Variants in LYPD6B observed in about 807,000 individuals in gnomAD.
LYPD6B encodes ly6/PLAUR domain-containing protein 6B.
Under a neutral mutation model 22.8 loss-of-function variants are expected in LYPD6B, and 17 were observed. The ratio of observed to expected loss-of-function variants is 0.75; its 90% CI spans 0.51 to 1.12. The LOEUF (loss-of-function observed/expected upper bound fraction) is 1.12, where lower values mean the gene tolerates loss of function less well. Ranked by LOEUF, LYPD6B falls within the 50% of genes most tolerant of loss-of-function variation. LYPD6B has a pLI of 0.00. For synonymous variants in LYPD6B, 106 were observed against 91.6 expected (o/e 1.16, Z -0.90); for missense variants, 221 against 258.3 (o/e 0.86, Z 0.99).
At chr2:149,191,104 TTAAGAA>T (rs1483993698) in intron 3 of LYPD6B, among the ~76,000 whole-genome samples, 1 of 152,138 alleles carries the variant, frequency 6.6e-6, no homozygotes, top group East Asian at 1.9e-4. Context: ...GCCTCAACAA[TTAAGAA>T]TATTTTGCCA....
At chr2:149,057,295 C>T (rs1448920373) in intron 1 of LYPD6B, among the ~76,000 whole-genome samples, 23 of 151,650 alleles carry the variant, frequency 1.5e-4, no homozygotes, top group Admixed American at 1.5e-3. Flanking sequence ...TCTCAGGCTA[C>T]AAAAGAAAAT....
intron 2 of LYPD6B, among the ~76,000 whole-genome samples, chr2:149,134,806 C>T (rs138533518): frequency 1.5e-3 from 235 of 152,330 alleles, no homozygotes; most frequent in African/African-American, 5.5e-3. Flanking sequence ...GCTACTTGAT[C>T]AAGATCTTTG....
At chr2:149,115,472 C>G (rs905986369) in intron 1 of LYPD6B, among the ~76,000 whole-genome samples, 3 of 152,136 alleles carry the variant, frequency 2.0e-5, no homozygotes, top group Admixed American at 1.3e-4. Flanking sequence ...GGGAAGATTC[C>G]TCTTCCTGAT....
chr2:149,169,543 A>T (rs1402713587), intron 3 of LYPD6B, among the ~76,000 whole-genome samples: 2 of 152,136 alleles, frequency 1.3e-5, no homozygotes, highest in Non-Finnish European at 2.9e-5. Flanking sequence ...TATACAAGGG[A>T]TTCCTAAAAT....
intron 1 of LYPD6B, among the ~76,000 whole-genome samples, chr2:149,099,268 A>C (rs754725230): frequency 5.9e-5 from 9 of 152,218 alleles, no homozygotes; most frequent in Non-Finnish European, 1.2e-4. Flanking sequence ...TGTTGTTTAT[A>C]ATTCAGATTT....
At chr2:149,042,079 A>G (rs138132199) in intron 1 of LYPD6B, among the ~76,000 whole-genome samples, 43 of 152,316 alleles carry the variant, frequency 2.8e-4, no homozygotes, top group African/African-American at 9.9e-4. Flanking sequence ...TAGTTGCTCT[A>G]AATCATGACT....
intron 1 of LYPD6B, among the ~76,000 whole-genome samples, chr2:149,043,250 T>A (rs912468104): frequency 3.9e-5 from 6 of 152,172 alleles, no homozygotes; most frequent in African/African-American, 1.2e-4. Flanking sequence ...AAAAGTGGTC[T>A]CTTTACTAAG....
intron 3 of LYPD6B, among the ~76,000 whole-genome samples, chr2:149,172,262 C>T (rs1253369419): frequency 1.3e-5 from 2 of 152,122 alleles, no homozygotes; most frequent in African/African-American, 4.8e-5. Context: ...GGATAGCCAC[C>T]CCCGTGATTC....
intron 1 of LYPD6B, among the ~76,000 whole-genome samples, chr2:149,075,730 T>C (rs1205096981): frequency 6.6e-6 from 1 of 152,248 alleles, no homozygotes; most frequent in East Asian, 1.9e-4. Flanking sequence ...AAGTTGGTCA[T>C]ATGACAATCC....
chr2:149,214,011 T>TCCCCTGAAAACAC (rs1694041206), intron 6 of LYPD6B, among the ~76,000 whole-genome samples: 1 of 152,168 alleles, frequency 6.6e-6, no homozygotes, highest in South Asian at 2.1e-4. Context: ...CCTGAAAACA[T>TCCCCTGAAAACAC]CCCCTGAAAA....
intron 3 of LYPD6B, among the ~76,000 whole-genome samples, chr2:149,193,140 G>C (rs996571686): frequency 6.6e-6 from 1 of 152,084 alleles, no homozygotes. Context: ...TGCTTCCCCA[G>C]GCCTCTCACC....
chr2:149,129,746 T>C (rs1462702787), intron 1 of LYPD6B, among the ~76,000 whole-genome samples: 1 of 152,218 alleles, frequency 6.6e-6, no homozygotes, highest in Admixed American at 6.5e-5. Context: ...GTGGACTTTA[T>C]GCAGACTTCT....
At chr2:149,095,088 G>C (rs961655573) in intron 1 of LYPD6B, among the ~76,000 whole-genome samples, 1 of 152,132 alleles carries the variant, frequency 6.6e-6, no homozygotes, top group Non-Finnish European at 1.5e-5. Flanking sequence ...CTGAGGTCAG[G>C]AGTTCGTAAC....
intron 3 of LYPD6B, among the ~76,000 whole-genome samples, chr2:149,202,964 G>A (rs1693264721): frequency 1.3e-5 from 2 of 152,178 alleles, no homozygotes; most frequent in Admixed American, 1.3e-4. Context: ...GTACAGGGAA[G>A]TTAAGGAACT....
intron 1 of LYPD6B, among the ~76,000 whole-genome samples, chr2:149,068,431 A>G (rs1288229421): frequency 6.6e-6 from 1 of 152,220 alleles, no homozygotes; most frequent in East Asian, 1.9e-4. Flanking sequence ...CTTCATTTGC[A>G]TCTTTCAGAG....
intron 1 of LYPD6B, among the ~76,000 whole-genome samples, chr2:149,128,040 T>C (rs1046267057): frequency 1.3e-5 from 2 of 152,228 alleles, no homozygotes; most frequent in African/African-American, 2.4e-5. Flanking sequence ...TATTTGGTTA[T>C]TCAACTCGTT....
intron 3 of LYPD6B, among the ~76,000 whole-genome samples, chr2:149,164,674 G>C (rs1485565302): frequency 6.6e-6 from 1 of 152,194 alleles, no homozygotes; most frequent in Non-Finnish European, 1.5e-5. Context: ...GGTGCTGAAA[G>C]CTTGCCTCCA....
At chr2:149,055,538 A>G (rs936776903) in intron 1 of LYPD6B, among the ~76,000 whole-genome samples, 3 of 152,198 alleles carry the variant, frequency 2.0e-5, no homozygotes, top group Non-Finnish European at 1.5e-5. Flanking sequence ...CCGGTTATTT[A>G]GGTCTTCTTT....
At chr2:149,140,961 A>G (rs570744100) in intron 2 of LYPD6B, among the ~76,000 whole-genome samples, 40 of 152,336 alleles carry the variant, frequency 2.6e-4, no homozygotes, top group Admixed American at 5.2e-4. Flanking sequence ...ATTTTATGAT[A>G]GAGGCACATA....
Sources: gnomAD v4.1 joint callset for allele counts (sites outside exome capture counted in the v4.1 genomes callset) on GRCh38, gnomAD v4.1.1 for gene constraint, MANE v1.5 for transcripts, NCBI Gene and HGNC (gene_info 2026-07-23, HGNC 2026-07-21) for gene names.